The following STARD13 variants were observed in gnomAD, a reference collection of about 807,000 sequenced individuals.
STARD13 encodes stAR-related lipid transfer protein 13.
Under a neutral mutation model 106.4 loss-of-function variants are expected in STARD13, and 62 were observed. That is an observed-to-expected ratio of 0.58 (90% confidence interval 0.48 to 0.72). The LOEUF is 0.72. STARD13 is among the 30% of genes least tolerant of loss of function. STARD13 has a pLI of 0.00. For synonymous variants in STARD13, 565 were observed against 553.0 expected (o/e 1.02, Z -0.31); for missense variants, 1,387 against 1,424.0 (o/e 0.97, Z 0.42).
the STARD13 span, among the ~76,000 whole-genome samples, chr13:33,541,811 C>G: frequency 1.2e-4 from 18 of 152,298 alleles, no homozygotes; most frequent in South Asian, 3.7e-3. Flanking sequence ...TTAAACGGAG[C>G]GGATGCAGAT....
At chr13:33,433,901 C>T in the STARD13 span, among the ~76,000 whole-genome samples, 4 of 152,104 alleles carry the variant, frequency 2.6e-5, no homozygotes, top group South Asian at 8.3e-4. Flanking sequence ...TCTATGCATT[C>T]CTTGTAATGA....
the STARD13 span, among the ~76,000 whole-genome samples, chr13:33,377,280 C>A: frequency 6.6e-6 from 1 of 151,062 alleles, no homozygotes; most frequent in African/African-American, 2.4e-5. Context: ...TCTGAAGCAG[C>A]AAACAAGAGC....
At chr13:33,147,257 G>A (rs1358594551) in intron 3 of STARD13, among the ~76,000 whole-genome samples, 1 of 152,154 alleles carries the variant, frequency 6.6e-6, no homozygotes, top group Non-Finnish European at 1.5e-5. Context: ...TGTATTCCTA[G>A]GAATCTAGAA....
the STARD13 span, among the ~76,000 whole-genome samples, chr13:33,471,982 T>A: frequency 6.6e-6 from 1 of 152,244 alleles, no homozygotes; most frequent in Non-Finnish European, 1.5e-5. Context: ...TTTATTAATA[T>A]AAAATAAAAG....
the STARD13 span, among the ~76,000 whole-genome samples, chr13:33,419,737 C>T: frequency 6.6e-6 from 1 of 152,184 alleles, no homozygotes; most frequent in Admixed American, 6.5e-5. Flanking sequence ...AAGGGAAGCC[C>T]ATCAGACTAA....
At chr13:33,662,831 T>C in the STARD13 span, among the ~76,000 whole-genome samples, 7 of 152,132 alleles carry the variant, frequency 4.6e-5, no homozygotes, top group Non-Finnish European at 1.5e-5. Context: ...GACATAAAAT[T>C]TTCCCAAGGA....
intron 12 of STARD13, among the ~76,000 whole-genome samples, chr13:33,109,425 A>G (rs1355677603): frequency 6.6e-6 from 1 of 152,244 alleles, no homozygotes; most frequent in African/African-American, 2.4e-5. Context: ...AGCTATGAGC[A>G]TCTGAAGTTA....
At chr13:33,609,455 C>T in the STARD13 span, among the ~76,000 whole-genome samples, 9 of 152,236 alleles carry the variant, frequency 5.9e-5, no homozygotes, top group East Asian at 1.7e-3. Flanking sequence ...AAATCTTGAT[C>T]ATTGCTGGTG....
At chr13:33,403,925 C>T in the STARD13 span, among the ~76,000 whole-genome samples, 2 of 152,176 alleles carry the variant, frequency 1.3e-5, no homozygotes, top group Non-Finnish European at 2.9e-5. Flanking sequence ...TCTGGTCAAA[C>T]TTTTATCCTT....
chr13:33,403,191 G>A, the STARD13 span, among the ~76,000 whole-genome samples: 2 of 152,216 alleles, frequency 1.3e-5, no homozygotes, highest in African/African-American at 4.8e-5. Flanking sequence ...CTCCTGTCAG[G>A]AGTTTGAGCA....
the STARD13 span, among the ~76,000 whole-genome samples, chr13:33,425,416 G>A: frequency 6.6e-6 from 1 of 152,174 alleles, no homozygotes; most frequent in South Asian, 2.1e-4. Context: ...CTACATTGGT[G>A]CCCTGAAGGG....
the STARD13 span, among the ~76,000 whole-genome samples, chr13:33,439,090 T>C: frequency 1.3e-5 from 2 of 152,206 alleles, no homozygotes; most frequent in Middle Eastern, 3.2e-3. Flanking sequence ...AGGACTGATA[T>C]GGAGATTTCA....
the STARD13 span, among the ~76,000 whole-genome samples, chr13:33,406,898 G>T: frequency 1.3e-5 from 2 of 152,150 alleles, no homozygotes; most frequent in Admixed American, 1.3e-4. Context: ...GACTGTAAAA[G>T]CATACCGAGT....
At chr13:33,154,161 G>A (rs1336321700) in intron 3 of STARD13, among the ~76,000 whole-genome samples, 1 of 152,226 alleles carries the variant, frequency 6.6e-6, no homozygotes, top group Non-Finnish European at 1.5e-5. Flanking sequence ...CAGGGAGGGT[G>A]TCGGGCGCAC....
the STARD13 span, among the ~76,000 whole-genome samples, chr13:33,442,194 T>C: frequency 3.3e-5 from 5 of 152,232 alleles, no homozygotes; most frequent in Non-Finnish European, 5.9e-5. Context: ...CCAGTAGAAT[T>C]CTTCCATTTC....
chr13:33,285,651 C>T lies in STARD13; in HGVS notation c.-13G>A, dbSNP rs748922742. 8.1e-6 allele frequency: 13 copies of T among 1,611,158 alleles called. No homozygotes were observed. Among genetic ancestry groups the T allele is most frequent in the Admixed American group, 6.7e-5 (4 of 59,922 alleles). On this transcript the variant is annotated 5_prime_UTR_variant, in exon 1 of 14. Coordinates refer to ENST00000336934, the MANE Select transcript of STARD13 (RefSeq NM_178006.4). ...CCTGACTGAACATCTCGGCAGATTT[C>T]CTATTGCCACCTCAGTCTGCCTGTG...
chr13:33,656,666 T>G, the STARD13 span: 1 of 152,208 alleles, frequency 6.6e-6, no homozygotes, highest in Admixed American at 6.5e-5. Context: ...TCTGAGAATC[T>G]TGTTATGGAT....
the STARD13 span, among the ~76,000 whole-genome samples, chr13:33,412,631 AT>A: frequency 6.6e-6 from 1 of 152,216 alleles, no homozygotes; most frequent in Non-Finnish European, 1.5e-5. Context: ...TAATGAAAAA[AT>A]ATACCATACA....
At chr13:33,106,714 G>C in intron 13 of STARD13, 44 bp downstream of exon 13, 1 of 1,538,824 alleles carries the variant, frequency 6.5e-7, no homozygotes, top group Non-Finnish European at 8.8e-7. Context: ...TACAAGCTGA[G>C]ACTCCCAAGA....
Sources: gnomAD v4.1 joint callset for allele counts (sites outside exome capture counted in the v4.1 genomes callset) on GRCh38, gnomAD v4.1.1 for gene constraint, MANE v1.5 for transcripts, NCBI Gene and HGNC (gene_info 2026-07-23, HGNC 2026-07-21) for gene names.